The following SIRT5 variants were observed in gnomAD, a reference collection of about 807,000 sequenced individuals.
The protein encoded by SIRT5 is sirtuin 5.
Under a neutral mutation model 40.0 loss-of-function variants are expected in SIRT5, and 26 were observed. That is an observed-to-expected ratio of 0.65 (90% confidence interval 0.48 to 0.90). The LOEUF (loss-of-function observed/expected upper bound fraction) is 0.90. Ranked by LOEUF, SIRT5 falls within the 40% of genes least tolerant of loss-of-function variation. The pLI, the probability that SIRT5 is intolerant of heterozygous loss-of-function variation, is 0.00. For synonymous variants in SIRT5, 146 were observed against 149.1 expected, an observed-to-expected ratio of 0.98 and a Z score of 0.15; for missense variants, 401 against 402.4, an observed-to-expected ratio of 1.00 and a Z score of 0.03.
At chr6:13,580,651 C>G (rs377403230) in intron 2 of SIRT5, among the ~76,000 whole-genome samples, 39 of 152,218 alleles carry the variant, frequency 2.6e-4, no homozygotes, top group African/African-American at 8.7e-4. Flanking sequence ...CTCTCTTTCT[C>G]CCTCACTCTC....
chr6:13,611,514 C>T (rs1763924201), intron 9 of SIRT5, among the ~76,000 whole-genome samples: 1 of 151,928 alleles, frequency 6.6e-6, no homozygotes, highest in Non-Finnish European at 1.5e-5. Context: ...ATGTCTCTTA[C>T]ACTTTGAAAT....
rs202001876 is a variant in SIRT5, at chr6:13,612,138, G to A, written c.*273G>A. On this transcript the variant is annotated 3_prime_UTR_variant, in exon 10 of 10. Transcript: ENST00000606117. ...TGATGTGTATGGTTGGTTATTGGGA[G>A]GGAAAAATTTTGTAAATTAGATTGT... 2 of 270,646 alleles carry A rather than the reference G, an allele frequency of 7.4e-6. No homozygotes were observed. Among genetic ancestry groups the A allele is most frequent in the Non-Finnish European group, 1.4e-5 (2 of 145,138 alleles). 16.8% of individuals were successfully genotyped at this position (270,646 alleles called of 1,614,324 possible).
rs9370232 is a variant in SIRT5, at chr6:13,589,641, G to T, written c.249+1177G>T. On this transcript the variant is annotated intron_variant, in intron 4 of 9. Transcript: ENST00000606117. ...AACATCTGAGCCTGGCAGATGTTTC[G>T]GTGTTTTGCCTCCTGCCTGCTGCCA... 9.2e-5 allele frequency: 14 copies of T among 152,240 alleles called. 1 individual carries two copies. The highest frequency in any genetic ancestry group is 5.8e-4 in the East Asian group (3 of 5,182). The allele number at this position is 152,240 out of a possible 1,614,324, so 9.4% of individuals were successfully genotyped here.
chr6:13,609,554 A>C (rs1371821231), intron 9 of SIRT5, among the ~76,000 whole-genome samples: 1 of 152,218 alleles, frequency 6.6e-6, no homozygotes, highest in African/African-American at 2.4e-5. Flanking sequence ...TTGTGTCCAG[A>C]AATCCCTTAT....
rs539006424 is a variant in SIRT5 at position 13,609,534 on chromosome 6, A to G, written c.858-2256A>G. 2.6e-5 allele frequency among the ~76,000 whole-genome samples: 4 copies of G among 152,330 alleles called. No individual in the cohort carries two copies. In the South Asian group the frequency reaches 6.2e-4, roughly 24 times the overall value. On this transcript the variant is annotated intron_variant, in intron 9 of 9. Transcript: ENST00000606117. Reference sequence around the variant, plus strand: ...AAACTATAATACCAAGTTTAGATCAACGTGGAATGTTGTGTCCAGAAATCC... The same window carrying G: ...AAACTATAATACCAAGTTTAGATCAGCGTGGAATGTTGTGTCCAGAAATCC...
chr6:13,604,489 A>G lies in SIRT5; in HGVS notation c.857+3540A>G, dbSNP rs758607127. 3.8e-6 allele frequency: 6 copies of G among 1,568,612 alleles called. No homozygotes were observed. In the South Asian group the frequency reaches 4.5e-5, roughly 12 times the overall value. On this transcript the variant is annotated intron_variant, in intron 9 of 9. Transcript: ENST00000606117. Reference sequence around the variant, plus strand: ...GTTTCTTTTCAGTCATTTGATCTCCATCTCATCTCTAATTATTATAAAGAA... The same window carrying G: ...GTTTCTTTTCAGTCATTTGATCTCCGTCTCATCTCTAATTATTATAAAGAA...
chr6:13,606,495 C>T (rs1168063137), intron 9 of SIRT5, among the ~76,000 whole-genome samples: 1 of 152,092 alleles, frequency 6.6e-6, no homozygotes, highest in African/African-American at 2.4e-5. Context: ...TAGGGAAGTC[C>T]AGCGCTCTCC....
chr6:13,581,671 A>G (rs971369809), intron 2 of SIRT5, among the ~76,000 whole-genome samples: 1 of 152,174 alleles, frequency 6.6e-6, no homozygotes, highest in Admixed American at 6.5e-5. Flanking sequence ...TTATAAATTG[A>G]TGGACATTTG....
chr6:13,603,700 G>A lies in SIRT5; in HGVS notation c.857+2751G>A, dbSNP rs539813430. Among the ~76,000 whole-genome samples, 11 of 152,228 alleles carry A rather than the reference G, an allele frequency of 7.2e-5. No individual in the cohort carries two copies. The South Asian group carries it at 2.3e-3, about 32-fold the overall frequency. On this transcript the variant is annotated intron_variant, in intron 9 of 9. Coordinates refer to ENST00000606117, the MANE Select transcript of SIRT5 (RefSeq NM_012241.5). ...TATGATCTAGCAATTCTACTCCTTG[G>A]TATATAGTCCTAGAAATGAAATCAT...
Position 13,607,758 on chromosome 6 carries a change from A to G in SIRT5, c.858-4032A>G, listed in dbSNP as rs2841515. Among the ~76,000 whole-genome samples the G allele has an allele frequency of 0.51, 77,817 of 151,922 alleles. 20,847 individuals are homozygous for G. Among genetic ancestry groups the G allele is most frequent in the Admixed American group, 0.63 (9,677 of 15,270 alleles). On this transcript the variant is annotated intron_variant, in intron 9 of 9. Coordinates refer to ENST00000606117, the MANE Select transcript of SIRT5 (RefSeq NM_012241.5). The surrounding 1 kb of genome is among the most constrained non-coding windows in gnomAD (Gnocchi z 4.0). Reference sequence around the variant, plus strand: ...CATTGGAAACACTGCCATTTTATTTATTTATTGATGTTTGAGACAGAGTCT... The same window carrying G: ...CATTGGAAACACTGCCATTTTATTTGTTTATTGATGTTTGAGACAGAGTCT...
At chr6:13,589,455 T>C (rs1220386672) in intron 4 of SIRT5, 1 of 152,250 alleles carries the variant, frequency 6.6e-6, no homozygotes, top group Non-Finnish European at 1.5e-5. Context: ...CGTTGCATTG[T>C]CTCCAGTTTC....
At position 13,579,552 on chromosome 6, in the gene SIRT5, A is replaced by C. The variant is rs1441654639; in HGVS notation, c.-93A>C. 2.0e-5 allele frequency: 3 copies of C among 152,252 alleles called. No individual in the cohort carries two copies. Among genetic ancestry groups the C allele is most frequent in the South Asian group, 2.1e-4 (1 of 4,838 alleles). The allele number at this position is 152,252 out of a possible 1,614,324, so 9.4% of individuals were successfully genotyped here. On this transcript the variant is annotated 5_prime_UTR_variant, in exon 2 of 10. Transcript: ENST00000606117. The stretch of plus-strand genomic sequence containing the variant: ...ATTATATTGATGTCTCCAGATTCAA[A>C]TATATTAGAAAGCAGCCGTGGAGAC...
intron 9 of SIRT5, chr6:13,605,176 T>A (rs1286723566): frequency 9.1e-6 from 9 of 985,372 alleles, no homozygotes; most frequent in Admixed American, 6.1e-5. Flanking sequence ...AGGTCAGGGG[T>A]CAGCAAACTA....
At chr6:13,583,563 G>A (rs548162357) in intron 2 of SIRT5, among the ~76,000 whole-genome samples, 1 of 152,216 alleles carries the variant, frequency 6.6e-6, no homozygotes, top group South Asian at 2.1e-4. Context: ...CAAAGTGGTG[G>A]GATTATAGGC....
rs1760180644 is a variant in SIRT5, at chr6:13,587,094, C to T, written c.116-1237C>T. On this transcript the variant is annotated intron_variant, in intron 3 of 9. Coordinates refer to ENST00000606117, the MANE Select transcript of SIRT5 (RefSeq NM_012241.5). Reference sequence around the variant, plus strand: ...TAGTCAGCTGAGGAATTCAGCTCCACATTTGCTGGAATTCTTAGTGCTTTA... The same window carrying T: ...TAGTCAGCTGAGGAATTCAGCTCCATATTTGCTGGAATTCTTAGTGCTTTA... Among the ~76,000 whole-genome samples the T allele has an allele frequency of 2.0e-5, 3 of 147,632 alleles. No individual in the cohort carries two copies. In the South Asian group the frequency reaches 6.2e-4, roughly 31 times the overall value.
intron 3 of SIRT5, among the ~76,000 whole-genome samples, chr6:13,587,946 G>T (rs180900310): frequency 2.6e-4 from 39 of 152,286 alleles, no homozygotes; most frequent in African/African-American, 9.4e-4. Context: ...TTACTTTTAT[G>T]AAGGAAGATG....
chr6:13,601,696 C>T (rs749028390), intron 9 of SIRT5, among the ~76,000 whole-genome samples: 6 of 152,100 alleles, frequency 3.9e-5, no homozygotes, highest in Non-Finnish European at 8.8e-5. Context: ...TTTAAAAATA[C>T]TGATGCCTGG....
chr6:13,582,444 A>T (rs184701968), intron 2 of SIRT5, among the ~76,000 whole-genome samples: 8 of 152,134 alleles, frequency 5.3e-5, no homozygotes, highest in Admixed American at 6.5e-5. Flanking sequence ...AATCCCCTGA[A>T]CTCATTTCAT....
chr6:13,591,541 T>C, intron 4 of SIRT5, 128 bp from the exon 5 acceptor site: 1 of 726,056 alleles, frequency 1.4e-6, no homozygotes, highest in Non-Finnish European at 2.2e-6. Context: ...AACATAGTGC[T>C]GCCATCTCCA....
Sources: allele counts gnomAD v4.1 joint callset (sites outside exome capture counted in the v4.1 genomes callset), GRCh38; gene constraint gnomAD v4.1.1; non-coding constraint Gnocchi (gnomAD v3.1); transcripts MANE v1.5; gene names NCBI Gene and HGNC (gene_info 2026-07-23, HGNC 2026-07-21).